The following RBL1 variants were observed in gnomAD, a reference collection of about 807,000 sequenced individuals.
RBL1 encodes retinoblastoma-like protein 1.
Under a neutral mutation model 123.0 loss-of-function variants are expected in RBL1, and 82 were observed. The observed-to-expected ratio is 0.67, with a 90% CI of 0.56 to 0.80. The LOEUF is 0.80. RBL1 is among the 30% of genes least tolerant of loss of function. The probability of loss-of-function intolerance (pLI) is 0.00; values close to 1 mark genes in which losing one functional copy is unlikely to be tolerated. For missense variants in RBL1, 1,171 were observed against 1,299.6 expected (o/e 0.90, Z 1.52); for synonymous variants, 405 against 441.3 (o/e 0.92, Z 1.03).
At chr20:37,007,200 G>C (rs1218470469) in intron 20 of RBL1, among the ~76,000 whole-genome samples, 1 of 152,162 alleles carries the variant, frequency 6.6e-6, no homozygotes, top group African/African-American at 2.4e-5. Flanking sequence ...AGTGAGCCCA[G>C]ATCTCGCCAC....
chr20:37,079,865 G>A (rs964644971), intron 2 of RBL1, among the ~76,000 whole-genome samples: 1 of 152,212 alleles, frequency 6.6e-6, no homozygotes, highest in African/African-American at 2.4e-5. Context: ...CAGTTTGCCA[G>A]GCTTCAGGAA....
intron 11 of RBL1, chr20:37,049,573 G>A (rs1201591879): frequency 2.0e-5 from 15 of 755,736 alleles, no homozygotes; most frequent in Admixed American, 1.4e-4. Context: ...AGATGAGAAC[G>A]GCAAAATTAG....
chr20:37,056,637 G>A (rs2065012185), intron 9 of RBL1, among the ~76,000 whole-genome samples: 1 of 151,986 alleles, frequency 6.6e-6, no homozygotes, highest in African/African-American at 2.4e-5. Flanking sequence ...ACAGGCATGA[G>A]CCACCATGCC....
chr20:37,091,056 A>T (rs1182071114), intron 1 of RBL1, among the ~76,000 whole-genome samples: 1 of 152,190 alleles, frequency 6.6e-6, no homozygotes, highest in Non-Finnish European at 1.5e-5. Context: ...CTGAAGTTTA[A>T]GGATTAAGAA....
At chr20:37,046,921 A>G (rs2064826577) in intron 12 of RBL1, 132 bp downstream of exon 12, 3 of 1,307,016 alleles carry the variant, frequency 2.3e-6, no homozygotes, top group Admixed American at 7.9e-5. Flanking sequence ...CCAGGAATAT[A>G]TATTTTCAGA....
intron 12 of RBL1, among the ~76,000 whole-genome samples, chr20:37,044,473 G>T (rs1329999606): frequency 6.6e-6 from 1 of 152,070 alleles, no homozygotes; most frequent in Non-Finnish European, 1.5e-5. Context: ...GAGTAGCTGG[G>T]ATTACAGGCA....
At position 37,003,704 on chromosome 20, in the gene RBL1, T is replaced by C. The variant is rs2064022752; in HGVS notation, c.3034A>G (p.Lys1012Glu). The change falls in exon 21 of 22, where the codon AAG becomes GAG. Residue 1012 changes from lysine (K) to glutamate (E), a missense_variant and splice_region_variant. Physicochemically the swap from Lys to Glu is moderately conservative, Grantham distance 56. Coordinates refer to ENST00000373664, the MANE Select transcript of RBL1 (RefSeq NM_002895.5). ...LLYKFNGSPS[K>E]SLKDINNMIR... ...AACTTTTAGCCTATTCACCTTACCT[T>C]AGAAGGGCTGCCATTGAACTTGTAC... is the stretch of plus-strand genomic sequence containing the variant. 2 of 1,607,316 alleles carry C rather than the reference T, an allele frequency of 1.2e-6. No individual in the cohort carries two copies. Among genetic ancestry groups the C allele is most frequent in the South Asian group, 1.1e-5 (1 of 89,722 alleles).
At chr20:37,006,067 T>G (rs971059608) in intron 20 of RBL1, among the ~76,000 whole-genome samples, 9 of 151,452 alleles carry the variant, frequency 5.9e-5, no homozygotes, top group African/African-American at 1.9e-4. Flanking sequence ...ACGGCTAGTT[T>G]TTAGTTTTTT....
chr20:37,001,674 T>TGTTA (rs2063983042), intron 21 of RBL1, among the ~76,000 whole-genome samples: 2 of 146,594 alleles, frequency 1.4e-5, no homozygotes, highest in African/African-American at 2.5e-5. Context: ...TTTGTTCACT[T>TGTTA]ATCTGCTGAC....
At chr20:37,067,680 GA>G (rs1234195370) in intron 3 of RBL1, among the ~76,000 whole-genome samples, 1 of 137,920 alleles carries the variant, frequency 7.3e-6, no homozygotes, top group Non-Finnish European at 1.5e-5. Flanking sequence ...TAAGGTAGGA[GA>G]ATTGCTTGAA....
chr20:37,049,239 A>C (rs2064865023), intron 11 of RBL1: 2 of 480,864 alleles, frequency 4.2e-6, no homozygotes. Context: ...AAATTTAAAG[A>C]TCCGCCATCT....
intron 15 of RBL1, among the ~76,000 whole-genome samples, chr20:37,033,614 CTTTTT>C (rs1379232315): frequency 7.9e-6 from 1 of 125,788 alleles, no homozygotes. Flanking sequence ...TGCAGCTGGA[CTTTTT>C]TTTTTTTTTT....
At chr20:37,038,996 G>A (rs1020867490) in intron 14 of RBL1, among the ~76,000 whole-genome samples, 97 of 152,296 alleles carry the variant, frequency 6.4e-4, no homozygotes, top group African/African-American at 2.2e-3. Context: ...AAAAATGGAT[G>A]TACCGTACTA....
chr20:37,066,980 T>C lies in RBL1; in HGVS notation c.685+13A>G. 8.2e-6 allele frequency: 13 copies of C among 1,588,798 alleles called. No individual in the cohort carries two copies. Among genetic ancestry groups the C allele is most frequent in the South Asian group, 1.2e-5 (1 of 86,044 alleles). ...CTGATAATCAGTTTTCAAAAATAAA[T>C]AAAAGGTCTTACCTTTAAATGATGG... On this transcript the variant is annotated intron_variant, in intron 5 of 21. Transcript: ENST00000373664.
At chr20:37,015,651 G>C (rs2064238257) in intron 19 of RBL1, among the ~76,000 whole-genome samples, 1 of 152,032 alleles carries the variant, frequency 6.6e-6, no homozygotes, top group Non-Finnish European at 1.5e-5. Flanking sequence ...AGGATGGTCT[G>C]GATCTCCTGA....
At chr20:37,050,785 GA>G (rs982880169) in intron 11 of RBL1, among the ~76,000 whole-genome samples, 2 of 148,358 alleles carry the variant, frequency 1.3e-5, no homozygotes, top group Non-Finnish European at 3.0e-5. Context: ...ACACATGAAT[GA>G]AAAAAAACAC....
At position 37,067,132 on chromosome 20, in the gene RBL1, G is replaced by GAAAA; in HGVS notation, c.557-15_557-12dup. 5 of 1,424,308 alleles carry GAAAA rather than the reference G, an allele frequency of 3.5e-6. No homozygotes were observed. The highest frequency in any genetic ancestry group is 2.6e-5 in the Admixed American group (1 of 38,926). 88.2% of individuals were successfully genotyped at this position (1,424,308 alleles called of 1,614,324 possible). On this transcript the variant is annotated splice_polypyrimidine_tract_variant and intron_variant, in intron 4 of 21. Transcript: ENST00000373664. Reference sequence around the variant, plus strand: ...TCATCCGAAAATTACCTTTATAAGGGAAAAAAAAAAAAAAAAGACACAAAA... The same window carrying GAAAA: ...TCATCCGAAAATTACCTTTATAAGGGAAAAAAAAAAAAAAAAAAAAGACACAAAA...
At chr20:37,085,171 A>C (rs1600606017) in intron 2 of RBL1, among the ~76,000 whole-genome samples, 1 of 138,528 alleles carries the variant, frequency 7.2e-6, no homozygotes. Context: ...CACTCTTGTC[A>C]CCCACACTGG....
chr20:37,008,735 G>C (rs1231296759), intron 19 of RBL1, among the ~76,000 whole-genome samples: 1 of 150,640 alleles, frequency 6.6e-6, no homozygotes, highest in African/African-American at 2.4e-5. Context: ...AGGAAAACCA[G>C]AAAACACAAA....
Sources: gnomAD v4.1 joint callset for allele counts (sites outside exome capture counted in the v4.1 genomes callset) on GRCh38, gnomAD v4.1.1 for gene constraint, MANE v1.5 for transcripts, NCBI Gene and HGNC (gene_info 2026-07-23, HGNC 2026-07-21) for gene names.